Variants in AKAP13 observed in about 807,000 individuals in gnomAD.
AKAP13 encodes A-kinase anchor protein 13.
In AKAP13, 80 loss-of-function variants were observed where a neutral mutation model predicts 264.5. The observed-to-expected ratio is 0.30, with a 90% confidence interval of 0.25 to 0.36. AKAP13 has a LOEUF of 0.36. AKAP13 is among the 10% of genes least tolerant of loss of function. The pLI, the probability that AKAP13 is intolerant of heterozygous loss-of-function variation, is 1.00. For synonymous variants in AKAP13, 1,380 were observed against 1,250.2 expected, an observed-to-expected ratio of 1.10 and a Z score of -2.19; for missense variants, 3,712 against 3,435.2, an observed-to-expected ratio of 1.08 and a Z score of -2.01.
intron 5 of AKAP13, among the ~76,000 whole-genome samples, chr15:85,569,944 G>GC (rs1239915208): frequency 1.3e-5 from 2 of 152,006 alleles, no homozygotes; most frequent in African/African-American, 2.4e-5. Flanking sequence ...GGGCATGGTG[G>GC]CGGGCGCCTG....
At chr15:85,392,870 G>C (rs983782679) in intron 1 of AKAP13, among the ~76,000 whole-genome samples, 1 of 152,202 alleles carries the variant, frequency 6.6e-6, no homozygotes, top group Non-Finnish European at 1.5e-5. Flanking sequence ...AAGTTGTTTT[G>C]TTTTAAAATC....
At chr15:85,457,246 CTT>C (rs199666042) in intron 1 of AKAP13, among the ~76,000 whole-genome samples, 4 of 150,910 alleles carry the variant, frequency 2.7e-5, no homozygotes, top group Non-Finnish European at 5.9e-5. Flanking sequence ...GTGAGTGCTG[CTT>C]TTTTTTGGTG....
At chr15:85,477,202 T>C (rs1466251866) in intron 1 of AKAP13, among the ~76,000 whole-genome samples, 1 of 151,612 alleles carries the variant, frequency 6.6e-6, no homozygotes, top group African/African-American at 2.4e-5. Flanking sequence ...AGAATGAAAA[T>C]AGCATTTTAG....
rs59420326 is a variant in AKAP13, at chr15:85,498,199, G to GATATATAT, written c.33+12467_33+12474dup. ...TGGTAGTAAGGATTAAATGAAGTGAGATATATATATATATATATATATATA... is the reference window on the plus strand; with the variant it reads ...TGGTAGTAAGGATTAAATGAAGTGAGATATATATATATATATATATATATATATATATA... On this transcript the variant is annotated intron_variant, in intron 2 of 36. Coordinates refer to ENST00000394518, the MANE Select transcript of AKAP13 (RefSeq NM_007200.5). 1.2e-3 allele frequency among the ~76,000 whole-genome samples: 156 copies of GATATATAT among 133,060 alleles called. 1 individual carries two copies. The highest frequency in any genetic ancestry group is 2.0e-3 in the South Asian group (6 of 2,964). The allele number at this position is 133,060 out of a possible 152,430, so 87.3% of individuals were successfully genotyped here.
chr15:85,383,069 G>GT (rs1010554684), intron 1 of AKAP13, among the ~76,000 whole-genome samples: 52 of 150,554 alleles, frequency 3.5e-4, no homozygotes, highest in African/African-American at 1.0e-3. Context: ...AATTATTATT[G>GT]TTTTTTTTTA....
chr15:85,719,428 T>A, intron 23 of AKAP13, 102 bp downstream of exon 23: 2 of 1,450,502 alleles, frequency 1.4e-6, no homozygotes, highest in Non-Finnish European at 1.9e-6. Flanking sequence ...CCATTTATTA[T>A]CTGTGTAAGC....
At chr15:85,517,511 T>A (rs917879621) in intron 2 of AKAP13, among the ~76,000 whole-genome samples, 1 of 152,184 alleles carries the variant, frequency 6.6e-6, no homozygotes, top group Non-Finnish European at 1.5e-5. Context: ...AATTCCAGGG[T>A]TGAAATCTAG....
At chr15:85,520,167 G>C (rs2076762935) in intron 2 of AKAP13, among the ~76,000 whole-genome samples, 1 of 138,948 alleles carries the variant, frequency 7.2e-6, no homozygotes, top group African/African-American at 2.4e-5. Context: ...CACTGGCCTT[G>C]ATTTAAAAAA....
intron 29 of AKAP13, among the ~76,000 whole-genome samples, chr15:85,728,719 A>G (rs1248308096): frequency 6.6e-6 from 1 of 152,156 alleles, no homozygotes; most frequent in Non-Finnish European, 1.5e-5. Context: ...CAAAGGTGAA[A>G]AAGGACTTGA....
In AKAP13 at chr15:85,723,327, C is replaced by T. The variant is rs768925101; in HGVS notation, c.6745+7C>T. 8.1e-6 allele frequency: 13 copies of T among 1,613,200 alleles called. No homozygotes were observed. Among genetic ancestry groups the T allele is most frequent in the East Asian group, 6.7e-5 (3 of 44,888 alleles). On this transcript the variant is annotated splice_region_variant and intron_variant, in intron 26 of 36. Coordinates refer to ENST00000394518, the MANE Select transcript of AKAP13 (RefSeq NM_007200.5). Reference sequence around the variant, plus strand: ...GCAGCAGGAAGGTTGAAAGGTAAGGCTTGGCTCTTTTGTCTTAAGTATGTG... The same window carrying T: ...GCAGCAGGAAGGTTGAAAGGTAAGGTTTGGCTCTTTTGTCTTAAGTATGTG...
chr15:85,719,116 G>A lies in AKAP13; in HGVS notation c.6042G>A (p.Lys2014=), dbSNP rs772435873. 1 of 1,614,150 alleles carries A rather than the reference G, an allele frequency of 6.2e-7. No individual in the cohort carries two copies. The highest frequency in any genetic ancestry group is 2.2e-5 in the East Asian group (1 of 44,874). The change falls in exon 23 of 37, where the codon AAG becomes AAA. Residue 2014 remains lysine, a synonymous_variant. Transcript: ENST00000394518. ...QTEFHHVRTL[K]IMSGVYSQGM... Reference sequence around the variant, plus strand: ...AGTTTCATCATGTCCGCACTCTCAAGATCATGAGTGGTGTGTACAGCCAGG... The same window carrying A: ...AGTTTCATCATGTCCGCACTCTCAAAATCATGAGTGGTGTGTACAGCCAGG...
chr15:85,572,195 G>T (rs935251524), intron 5 of AKAP13, among the ~76,000 whole-genome samples: 1 of 152,166 alleles, frequency 6.6e-6, no homozygotes, highest in Non-Finnish European at 1.5e-5. Context: ...CTCTAATCTT[G>T]TTATATTTGG....
rs868212457 is a variant in AKAP13, at chr15:85,443,634, A to T, written c.-11-42076A>T. ...AACATAGAAAAGGTACAGTATAAAT[A>T]CAGCATTATAATCTTATGTGACCGA... is the stretch of plus-strand genomic sequence containing the variant. On this transcript the variant is annotated intron_variant, in intron 1 of 36. Coordinates refer to ENST00000394518, the MANE Select transcript of AKAP13 (RefSeq NM_007200.5). 3.3e-5 allele frequency among the ~76,000 whole-genome samples: 5 copies of T among 152,296 alleles called. 1 individual carries two copies. In the Middle Eastern group the frequency reaches 0.014, roughly 414 times the overall value.
chr15:85,712,570 GTCTTAC>G (rs1037626750), intron 19 of AKAP13, among the ~76,000 whole-genome samples: 1 of 150,942 alleles, frequency 6.6e-6, no homozygotes, highest in African/African-American at 2.4e-5. Flanking sequence ...TGAGACAAGA[GTCTTAC>G]TCTGTCACCC....
At chr15:85,544,884 A>T (rs1049518707) in intron 5 of AKAP13, among the ~76,000 whole-genome samples, 1 of 152,176 alleles carries the variant, frequency 6.6e-6, no homozygotes, top group Admixed American at 6.5e-5. Flanking sequence ...CTCATGCCAG[A>T]TTTAATTTAG....
chr15:85,603,420 A>G (rs78933607), intron 8 of AKAP13, among the ~76,000 whole-genome samples: 2,297 of 152,382 alleles, frequency 0.015, 31 homozygotes, highest in Middle Eastern at 0.041. Flanking sequence ...ACATCTTACC[A>G]TTACTATGAA....
At chr15:85,620,208 T>C (rs1298577512) in intron 8 of AKAP13, 1 of 1,532,050 alleles carries the variant, frequency 6.5e-7, no homozygotes, top group South Asian at 1.2e-5. Context: ...TCTGAAGCTC[T>C]GCAGGCTGTT....
intron 19 of AKAP13, among the ~76,000 whole-genome samples, chr15:85,712,153 T>A (rs866294794): frequency 2.0e-5 from 3 of 152,022 alleles, no homozygotes; most frequent in African/African-American, 7.2e-5. Context: ...TTTTAATAGA[T>A]CCTCCAGGTG....
At chr15:85,412,075 A>G (rs946153538) in intron 1 of AKAP13, among the ~76,000 whole-genome samples, 1 of 151,712 alleles carries the variant, frequency 6.6e-6, no homozygotes, top group African/African-American at 2.4e-5. Flanking sequence ...TCAAGGAACC[A>G]GTATTTTCAC....
Sources: gnomAD v4.1 joint callset for allele counts (sites outside exome capture counted in the v4.1 genomes callset) on GRCh38, gnomAD v4.1.1 for gene constraint, MANE v1.5 for transcripts, NCBI Gene and HGNC (gene_info 2026-07-23, HGNC 2026-07-21) for gene names.